Variants in METTL15 observed in about 807,000 individuals in gnomAD.
The protein encoded by METTL15 is 12S rRNA N(4)-cytidine methyltransferase METTL15.
A neutral mutation model predicts 38.3 loss-of-function variants in METTL15; 34 were observed. The observed-to-expected ratio is 0.89, with a 90% CI of 0.68 to 1.18. METTL15 has a LOEUF of 1.18. Ranked by LOEUF, METTL15 falls within the 50% of genes most tolerant of loss-of-function variation. The pLI is 0.00. For missense variants in METTL15, 438 were observed against 498.4 expected (o/e 0.88, Z 1.15); for synonymous variants, 162 against 170.9 (o/e 0.95, Z 0.41).
intron 5 of METTL15, among the ~76,000 whole-genome samples, chr11:28,419,614 C>T (rs536116697): frequency 1.3e-5 from 2 of 152,224 alleles, no homozygotes; most frequent in East Asian, 1.9e-4. Context: ...TACTGACAAA[C>T]ATCCCCAAGC....
At chr11:28,125,971 T>G (rs1358607231) in intron 3 of METTL15, 2 of 152,114 alleles carry the variant, frequency 1.3e-5, no homozygotes, top group African/African-American at 4.8e-5. Context: ...TATGTATTTT[T>G]GGGTGCCTTT....
At chr11:28,164,737 G>A (rs1440417995) in intron 3 of METTL15, among the ~76,000 whole-genome samples, 1 of 151,954 alleles carries the variant, frequency 6.6e-6, no homozygotes, top group African/African-American at 2.4e-5. Flanking sequence ...GGGTACATGT[G>A]TACAACGTGC....
chr11:28,421,997 G>C lies in METTL15; in HGVS notation c.*359-2302G>C, dbSNP rs956778069. On this transcript the variant is annotated intron_variant and NMD_transcript_variant, in intron 5 of 7. Transcript: ENST00000532947. ...ATAAACACATTCAGTAAAGTTGCAG[G>C]ATACAAAATCAGCATACAAAAATCA... 4.6e-5 allele frequency among the ~76,000 whole-genome samples: 7 copies of C among 151,962 alleles called. 1 individual carries two copies. Among genetic ancestry groups the C allele is most frequent in the Admixed American group, 3.3e-4 (5 of 15,252 alleles).
chr11:28,140,010 C>G (rs899917909), intron 3 of METTL15, among the ~76,000 whole-genome samples: 4 of 152,130 alleles, frequency 2.6e-5, no homozygotes, highest in African/African-American at 9.7e-5. Context: ...CATTCCTGCC[C>G]CATGTGGCTG....
At chr11:28,461,145 A>C (rs906412084) in intron 6 of METTL15, among the ~76,000 whole-genome samples, 7 of 152,094 alleles carry the variant, frequency 4.6e-5, no homozygotes, top group African/African-American at 1.7e-4. Flanking sequence ...GAAGGGCAGC[A>C]GGTGAGATAG....
At chr11:28,258,163 T>C (rs1045171968) in intron 4 of METTL15, among the ~76,000 whole-genome samples, 3 of 152,188 alleles carry the variant, frequency 2.0e-5, no homozygotes. Context: ...ATGGACAAGA[T>C]TCAGAAGAAT....
At chr11:28,118,706 G>A (rs1565104025) in intron 3 of METTL15, among the ~76,000 whole-genome samples, 1 of 152,142 alleles carries the variant, frequency 6.6e-6, no homozygotes, top group African/African-American at 2.4e-5. Context: ...GCTTCTTTGA[G>A]TGTTATTATA....
chr11:28,492,543 CACAT>C (rs1439600892), intron 6 of METTL15, among the ~76,000 whole-genome samples: 2 of 150,850 alleles, frequency 1.3e-5, no homozygotes, highest in African/African-American at 4.9e-5. Context: ...CACACACACA[CACAT>C]ACACACACAC....
chr11:28,404,569 C>T (rs886741280), intron 5 of METTL15, among the ~76,000 whole-genome samples: 3 of 152,038 alleles, frequency 2.0e-5, no homozygotes, highest in African/African-American at 7.2e-5. Context: ...CTAATCATCT[C>T]CCAGTGGCCC....
At chr11:28,121,325 A>C (rs963015545) in intron 3 of METTL15, among the ~76,000 whole-genome samples, 9 of 152,108 alleles carry the variant, frequency 5.9e-5, no homozygotes, top group African/African-American at 2.2e-4. Flanking sequence ...AGTTGAACTG[A>C]TGATTTATTA....
At chr11:28,185,181 G>A (rs1052959313) in intron 3 of METTL15, among the ~76,000 whole-genome samples, 1 of 151,290 alleles carries the variant, frequency 6.6e-6, no homozygotes, top group Non-Finnish European at 1.5e-5. Context: ...TTCTATATTT[G>A]TTTAATATAA....
At chr11:28,182,825 G>T (rs962019635) in intron 3 of METTL15, among the ~76,000 whole-genome samples, 7 of 152,062 alleles carry the variant, frequency 4.6e-5, no homozygotes, top group African/African-American at 1.4e-4. Flanking sequence ...GGATAGCATT[G>T]AATCTATAAA....
At chr11:28,176,925 A>G (rs1317747092) in intron 3 of METTL15, among the ~76,000 whole-genome samples, 1 of 152,136 alleles carries the variant, frequency 6.6e-6, no homozygotes, top group Non-Finnish European at 1.5e-5. Flanking sequence ...TAGCTGGATA[A>G]TGGACATCAA....
At chr11:28,463,145 A>T (rs193077049) in intron 6 of METTL15, among the ~76,000 whole-genome samples, 1 of 152,268 alleles carries the variant, frequency 6.6e-6, no homozygotes, top group African/African-American at 2.4e-5. Flanking sequence ...CATAGTTTTA[A>T]AATACATATA....
chr11:28,118,929 G>A (rs530287037), intron 3 of METTL15, among the ~76,000 whole-genome samples: 165 of 152,272 alleles, frequency 1.1e-3, no homozygotes, highest in African/African-American at 2.2e-3. Context: ...GTTACTATGG[G>A]AATAGAAAGA....
intron 4 of METTL15, among the ~76,000 whole-genome samples, chr11:28,218,116 G>C (rs978602021): frequency 6.6e-6 from 1 of 152,068 alleles, no homozygotes; most frequent in East Asian, 1.9e-4. Context: ...TAGCTTGATG[G>C]GGATGGCATT....
At chr11:28,253,882 G>A (rs1190949944) in intron 4 of METTL15, among the ~76,000 whole-genome samples, 1 of 151,864 alleles carries the variant, frequency 6.6e-6, no homozygotes, top group Non-Finnish European at 1.5e-5. Context: ...CCATTTATTT[G>A]TTGATGGACA....
At chr11:28,416,498 A>T (rs1449819237) in intron 5 of METTL15, among the ~76,000 whole-genome samples, 1 of 152,188 alleles carries the variant, frequency 6.6e-6, no homozygotes, top group Non-Finnish European at 1.5e-5. Context: ...CTCCATGTAA[A>T]GGTTCTGAAG....
At chr11:28,133,779 G>A (rs182521824) in intron 3 of METTL15, among the ~76,000 whole-genome samples, 6 of 152,172 alleles carry the variant, frequency 3.9e-5, no homozygotes, top group Admixed American at 6.5e-5. Context: ...AACCAAGCCC[G>A]CAACCTTGTG....
Sources: gnomAD v4.1 joint callset for allele counts (sites outside exome capture counted in the v4.1 genomes callset) on GRCh38, gnomAD v4.1.1 for gene constraint, MANE v1.5 for transcripts, NCBI Gene and HGNC (gene_info 2026-07-23, HGNC 2026-07-21) for gene names.